IRAK1BP1: variants seen among roughly 807,000 people sequenced by gnomAD.
The protein encoded by IRAK1BP1 is interleukin 1 receptor associated kinase 1 binding protein 1.
In IRAK1BP1, 24 loss-of-function variants were observed where a neutral mutation model predicts 28.0. The observed-to-expected ratio is 0.86, with a 90% confidence interval of 0.62 to 1.20. IRAK1BP1 has a LOEUF of 1.20. Among genes scored for constraint, IRAK1BP1 ranks in the 50% most tolerant of loss-of-function variants. The probability of loss-of-function intolerance (pLI) is 0.00; values close to 1 mark genes in which losing one functional copy is unlikely to be tolerated. For synonymous variants in IRAK1BP1, 131 were observed against 116.3 expected (o/e 1.13, Z -0.81); for missense variants, 336 against 316.7 (o/e 1.06, Z -0.46).
At chr6:78,978,497 A>G in the IRAK1BP1 span, 6 of 945,342 alleles carry the variant, frequency 6.3e-6, no homozygotes, top group Non-Finnish European at 7.8e-6. Context: ...ACTTTACAAA[A>G]CTGCTTCTAT....
At chr6:78,962,743 A>G in the IRAK1BP1 span, among the ~76,000 whole-genome samples, 3 of 152,070 alleles carry the variant, frequency 2.0e-5, no homozygotes, top group African/African-American at 7.2e-5. Flanking sequence ...AGTACAAGCT[A>G]CCCATATAAT....
At chr6:78,874,743 T>A (rs1434902520) in intron 1 of IRAK1BP1, among the ~76,000 whole-genome samples, 1 of 152,234 alleles carries the variant, frequency 6.6e-6, no homozygotes, top group Non-Finnish European at 1.5e-5. Context: ...GATTTTACAG[T>A]GTTGTGTCCC....
chr6:78,961,597 T>A, the IRAK1BP1 span: 1 of 1,243,878 alleles, frequency 8.0e-7, no homozygotes, highest in Middle Eastern at 2.2e-4. Flanking sequence ...CATTCCTATA[T>A]ACAAAAAGTT....
chr6:78,867,775 C>A lies in IRAK1BP1; in HGVS notation c.199C>A (p.Arg67=). Residue 67 remains arginine, a synonymous_variant, in exon 1 of 4, where the codon CGG becomes AGG. Coordinates refer to ENST00000369940, the MANE Select transcript of IRAK1BP1 (RefSeq NM_001010844.4). ...CTCAGAAGTGTCTGCGGGCCCTGAC[C>A]GGGCGCAGGTGGTGGTGCGAGTGAG... ...GTSEVSAGPD[R]AQVVVRVSST... 2 of 1,613,998 alleles carry A rather than the reference C, an allele frequency of 1.2e-6. No individual in the cohort carries two copies. Among genetic ancestry groups the A allele is most frequent in the Non-Finnish European group, 1.7e-6 (2 of 1,179,964 alleles).
intron 4 of IRAK1BP1, among the ~76,000 whole-genome samples, chr6:78,919,613 G>A (rs1050918994): frequency 2.0e-5 from 3 of 152,066 alleles, no homozygotes; most frequent in Non-Finnish European, 4.4e-5. Context: ...ATAAATTCCT[G>A]GAAATACAAC....
At chr6:78,955,166 TAAAG>T in the IRAK1BP1 span, 5 of 1,141,294 alleles carry the variant, frequency 4.4e-6, no homozygotes, top group African/African-American at 6.4e-5. Flanking sequence ...AGTAAAAAAA[TAAAG>T]AAAGCTCTTA....
the IRAK1BP1 span, among the ~76,000 whole-genome samples, chr6:78,960,927 GTAA>G: frequency 1.3e-5 from 2 of 152,098 alleles, no homozygotes; most frequent in Non-Finnish European, 2.9e-5. Context: ...AAGGACTTCA[GTAA>G]TAAATAACTG....
At chr6:78,958,848 C>T in the IRAK1BP1 span, among the ~76,000 whole-genome samples, 3 of 151,952 alleles carry the variant, frequency 2.0e-5, no homozygotes, top group East Asian at 5.8e-4. Flanking sequence ...ACAAAGGCCT[C>T]TTTTTGGGAG....
At chr6:78,973,141 C>T in the IRAK1BP1 span, among the ~76,000 whole-genome samples, 9 of 152,094 alleles carry the variant, frequency 5.9e-5, no homozygotes, top group South Asian at 8.3e-4. Flanking sequence ...GGTCGGGTTA[C>T]GCTCAAAGGG....
At chr6:78,949,610 C>G (rs998024056), downstream of IRAK1BP1, among the ~76,000 whole-genome samples, 2 of 152,114 alleles carry the variant, frequency 1.3e-5, no homozygotes, top group Non-Finnish European at 2.9e-5. Flanking sequence ...CTCTCCTACC[C>G]AACCAAAACC....
At chr6:78,944,628 G>A (rs762079640) in intron 4 of IRAK1BP1, among the ~76,000 whole-genome samples, 5 of 152,124 alleles carry the variant, frequency 3.3e-5, no homozygotes, top group Admixed American at 1.3e-4. Context: ...AAGTTTACAC[G>A]GGTAGATCCC....
intron 4 of IRAK1BP1, among the ~76,000 whole-genome samples, chr6:78,929,706 T>A (rs1772990484): frequency 6.6e-6 from 1 of 152,190 alleles, no homozygotes; most frequent in African/African-American, 2.4e-5. Flanking sequence ...ATTTTTAAAA[T>A]GGCTTTTTTT....
rs1469058960 is a variant in IRAK1BP1 at position 78,898,652 on chromosome 6, C to G, written c.*318C>G. The G allele has an allele frequency of 6.6e-6, 1 of 151,444 alleles. No individual in the cohort carries two copies. Among genetic ancestry groups the G allele is most frequent in the Non-Finnish European group, 1.5e-5 (1 of 67,864 alleles). 9.4% of individuals were successfully genotyped at this position (151,444 alleles called of 1,614,324 possible). A position where few individuals can be genotyped will look rare whatever the true frequency, so the allele number is the denominator to read the frequency against. On this transcript the variant is annotated 3_prime_UTR_variant, in exon 4 of 4. Coordinates refer to ENST00000369940, the MANE Select transcript of IRAK1BP1 (RefSeq NM_001010844.4). ...TTATAAGGACAGATATTGACCCTTG[C>G]ATTTCATAATTTTTAAAGATATTTA...
At chr6:78,905,332 A>C (rs1031004822), downstream of IRAK1BP1, among the ~76,000 whole-genome samples, 3 of 152,246 alleles carry the variant, frequency 2.0e-5, no homozygotes, top group Non-Finnish European at 4.4e-5. Flanking sequence ...ATGAGAATAC[A>C]TGAAGCTCTG....
At chr6:78,887,492 C>T (rs1475482578) in intron 2 of IRAK1BP1, among the ~76,000 whole-genome samples, 1 of 152,056 alleles carries the variant, frequency 6.6e-6, no homozygotes, top group African/African-American at 2.4e-5. Context: ...GGTGAAACCC[C>T]ATCTCTACTA....
rs1773480206 is a variant in IRAK1BP1 at position 78,941,123 on chromosome 6, A to G, written c.*68-4285A>G. 6.2e-7 allele frequency: 1 copy of G among 1,613,866 alleles called. No homozygotes were observed. On this transcript the variant is annotated intron_variant and NMD_transcript_variant, in intron 4 of 4. Transcript: ENST00000606868. ...AAGTACTTCATCTCTGATGGGATGC[A>G]CATTATTTTGCTCTAAATCTTCTGG...
the IRAK1BP1 span, chr6:78,965,666 C>T: frequency 3.5e-6 from 4 of 1,147,860 alleles, no homozygotes; most frequent in South Asian, 4.1e-5. Context: ...GAAATTAACT[C>T]CATAATGGAG....
Position 78,901,337 on chromosome 6 carries a change from A to G in IRAK1BP1, c.*3003A>G, listed in dbSNP as rs892272619. 3 of 152,096 alleles carry G rather than the reference A, an allele frequency of 2.0e-5. No homozygotes were observed. Among genetic ancestry groups the G allele is most frequent in the Admixed American group, 2.0e-4 (3 of 15,268 alleles). 9.4% of individuals were successfully genotyped at this position (152,096 alleles called of 1,614,324 possible). ...AAGAAATCATTCAAAGATTGGAAAG[A>G]CTTATGTGTAGTATTCTGTATACTA... is the stretch of plus-strand genomic sequence containing the variant. On this transcript the variant is annotated 3_prime_UTR_variant, in exon 4 of 4. Coordinates refer to ENST00000369940, the MANE Select transcript of IRAK1BP1 (RefSeq NM_001010844.4).
downstream of IRAK1BP1, among the ~76,000 whole-genome samples, chr6:78,947,460 A>G (rs1773888879): frequency 6.6e-6 from 1 of 152,214 alleles, no homozygotes; most frequent in Non-Finnish European, 1.5e-5. Flanking sequence ...ATTTCATACA[A>G]GGAGCTGAGT....
Sources: gnomAD v4.1 joint callset for allele counts (sites outside exome capture counted in the v4.1 genomes callset) on GRCh38, gnomAD v4.1.1 for gene constraint, MANE v1.5 for transcripts, NCBI Gene and HGNC (gene_info 2026-07-23, HGNC 2026-07-21) for gene names.